Variants in TRIM9 observed in about 807,000 individuals in gnomAD.
TRIM9 encodes the protein tripartite motif containing 9.
A neutral mutation model predicts 78.3 loss-of-function variants in TRIM9; 26 were observed. That is an observed-to-expected ratio of 0.33 (90% CI 0.24 to 0.46). TRIM9 has a LOEUF of 0.46. Among genes scored for constraint, TRIM9 ranks in the 20% least tolerant of loss-of-function variants. The pLI, the probability that TRIM9 is intolerant of heterozygous loss-of-function variation, is 1.00. For missense variants in TRIM9, 787 were observed against 1,036.4 expected (o/e 0.76, Z 3.30); for synonymous variants, 398 against 416.5 (o/e 0.96, Z 0.54).
chr14:51,003,126 C>T (rs977325666), intron 5 of TRIM9, among the ~76,000 whole-genome samples: 35 of 152,166 alleles, frequency 2.3e-4, no homozygotes, highest in African/African-American at 8.2e-4. Flanking sequence ...ACCCAGGAGT[C>T]GTAATTGCAG....
At chr14:51,077,393 T>G (rs1411336262) in intron 1 of TRIM9, among the ~76,000 whole-genome samples, 2 of 92,076 alleles carry the variant, frequency 2.2e-5, no homozygotes, top group African/African-American at 7.1e-5. Context: ...TCTGTTTTTT[T>G]TTTTTTTTTT....
intron 1 of TRIM9, among the ~76,000 whole-genome samples, chr14:51,093,859 C>G (rs1296345864): frequency 6.6e-6 from 1 of 152,262 alleles, no homozygotes; most frequent in Non-Finnish European, 1.5e-5. Context: ...CCCTGAGTCC[C>G]GCTCGCAGGC....
intron 1 of TRIM9, among the ~76,000 whole-genome samples, chr14:51,078,834 G>A (rs1279561968): frequency 6.6e-6 from 1 of 152,072 alleles, no homozygotes; most frequent in Admixed American, 6.6e-5. Flanking sequence ...ATAACATGAG[G>A]ACTGTAGTTA....
intron 12 of TRIM9, among the ~76,000 whole-genome samples, chr14:50,978,524 A>T (rs928202192): frequency 1.3e-5 from 2 of 152,100 alleles, no homozygotes; most frequent in South Asian, 4.1e-4. Context: ...GGCTCCACGC[A>T]ACTCACTCCC....
intron 1 of TRIM9, among the ~76,000 whole-genome samples, chr14:51,080,843 A>G (rs1264994765): frequency 6.6e-6 from 1 of 152,236 alleles, no homozygotes; most frequent in East Asian, 1.9e-4. Context: ...AACAGCTGCT[A>G]TATCCAGGGA....
At position 51,078,819 on chromosome 14, in the gene TRIM9, A is replaced by G. The variant is rs572473660; in HGVS notation, c.822+15299T>C. Reference sequence around the variant, plus strand: ...GTAGGATAAACAGGCCTGGAGATCGAATGTATAACATGAGGACTGTAGTTA... The same window carrying G: ...GTAGGATAAACAGGCCTGGAGATCGGATGTATAACATGAGGACTGTAGTTA... On this transcript the variant is annotated intron_variant, in intron 1 of 12. Coordinates refer to ENST00000684578, the MANE Select transcript of TRIM9 (RefSeq NM_001387360.1). 5.9e-5 allele frequency among the ~76,000 whole-genome samples: 9 copies of G among 152,340 alleles called. No individual in the cohort carries two copies. The South Asian group carries it at 1.7e-3, about 28-fold the overall frequency.
intron 10 of TRIM9, chr14:50,982,365 G>A (rs2052059172): frequency 3.8e-6 from 2 of 523,300 alleles, no homozygotes; most frequent in East Asian, 3.3e-5. Context: ...CGGGAGTGAA[G>A]TGGCATCGAT....
chr14:51,023,590 T>C (rs2057962443), intron 2 of TRIM9, among the ~76,000 whole-genome samples: 1 of 152,236 alleles, frequency 6.6e-6, no homozygotes, highest in African/African-American at 2.4e-5. Flanking sequence ...ACTAAGTGAA[T>C]TATAGCTTCC....
chr14:50,984,505 C>A lies in TRIM9; in HGVS notation c.1793-1084G>T, dbSNP rs78493088. 6.6e-5 allele frequency among the ~76,000 whole-genome samples: 10 copies of A among 152,228 alleles called. No homozygotes were observed. In the East Asian group the frequency reaches 1.9e-3, roughly 29 times the overall value. ...GCTGATTTTTATGTTTTGTTTCTAT[C>A]AATTATCACTTCAATTCCTATTCAT... On this transcript the variant is annotated intron_variant, in intron 8 of 12. Coordinates refer to ENST00000684578, the MANE Select transcript of TRIM9 (RefSeq NM_001387360.1).
intron 1 of TRIM9, among the ~76,000 whole-genome samples, chr14:51,054,110 A>G (rs2060686148): frequency 6.6e-6 from 1 of 152,216 alleles, no homozygotes; most frequent in Admixed American, 6.5e-5. Flanking sequence ...AAAAGTTAAA[A>G]AAAATTTTAG....
intron 1 of TRIM9, among the ~76,000 whole-genome samples, chr14:51,046,801 C>G (rs1293027223): frequency 1.3e-5 from 2 of 152,182 alleles, no homozygotes; most frequent in Non-Finnish European, 2.9e-5. Context: ...AGTGGAATAA[C>G]AACAGGATCC....
At chr14:51,091,423 T>C (rs2064316148) in intron 1 of TRIM9, 1 of 152,216 alleles carries the variant, frequency 6.6e-6, no homozygotes, top group African/African-American at 2.4e-5. Flanking sequence ...CCTGTGTTGA[T>C]AACTAACTGC....
chr14:51,053,595 AT>A (rs59227932), intron 1 of TRIM9, among the ~76,000 whole-genome samples: 19,630 of 81,812 alleles, frequency 0.24, 1,357 homozygotes, highest in Middle Eastern at 0.31. Context: ...TTTTTTTTTA[AT>A]TTTTTTTTTT....
chr14:51,045,202 G>A (rs1439702069), intron 1 of TRIM9, among the ~76,000 whole-genome samples: 3 of 152,178 alleles, frequency 2.0e-5, no homozygotes, highest in Non-Finnish European at 2.9e-5. Context: ...CTTCCCCTGT[G>A]AGCATCATGT....
intron 7 of TRIM9, among the ~76,000 whole-genome samples, chr14:50,990,981 G>T (rs1382000332): frequency 6.6e-6 from 1 of 152,170 alleles, no homozygotes; most frequent in Non-Finnish European, 1.5e-5. Flanking sequence ...ATAAAAGGTG[G>T]TATTTTAAGC....
chr14:50,996,938 T>G, intron 7 of TRIM9: 1 of 985,430 alleles, frequency 1.0e-6, no homozygotes, highest in Non-Finnish European at 1.2e-6. Context: ...AAATTGTGCT[T>G]GTTTTTAACC....
At chr14:51,027,538 T>C (rs972876915) in intron 1 of TRIM9, among the ~76,000 whole-genome samples, 6 of 152,214 alleles carry the variant, frequency 3.9e-5, no homozygotes, top group South Asian at 2.1e-4. Context: ...ACAGGGTCTG[T>C]TGGAGAACAT....
rs1033520599 is a variant in TRIM9, at chr14:50,975,318, T to C, written c.*1973A>G. The C allele has an allele frequency of 2.0e-5, 3 of 152,668 alleles. No individual in the cohort carries two copies. Among genetic ancestry groups the C allele is most frequent in the African/African-American group, 7.2e-5 (3 of 41,452 alleles). 9.5% of individuals were successfully genotyped at this position (152,668 alleles called of 1,614,324 possible). On this transcript the variant is annotated 3_prime_UTR_variant, in exon 13 of 13. Transcript: ENST00000684578. ...CATCAGAAATGACAATTTTTTCTAG[T>C]ATAGTAGTTGTATGCATCTGTAATT...
chr14:51,003,989 C>G (rs981816249), intron 5 of TRIM9, among the ~76,000 whole-genome samples: 8 of 152,154 alleles, frequency 5.3e-5, no homozygotes, highest in African/African-American at 1.9e-4. Context: ...AAATGGTCTA[C>G]TAGAAATCCA....
Sources: gnomAD v4.1 joint callset for allele counts (sites outside exome capture counted in the v4.1 genomes callset) on GRCh38, gnomAD v4.1.1 for gene constraint, MANE v1.5 for transcripts, NCBI Gene and HGNC (gene_info 2026-07-23, HGNC 2026-07-21) for gene names.